SEMA5A: variants seen among roughly 807,000 people sequenced by gnomAD.
SEMA5A encodes semaphorin-5A.
A neutral mutation model predicts 135.5 loss-of-function variants in SEMA5A; 55 were observed. The observed-to-expected ratio is 0.41, with a 90% CI of 0.33 to 0.51. The LOEUF (loss-of-function observed/expected upper bound fraction) is 0.51, where lower values mean the gene tolerates loss of function less well. Among genes scored for constraint, SEMA5A ranks in the 20% least tolerant of loss-of-function variants. The pLI, the probability that SEMA5A is intolerant of heterozygous loss-of-function variation, is 0.37. For missense variants in SEMA5A, 1,290 were observed against 1,419.9 expected, an observed-to-expected ratio of 0.91 and a Z score of 1.47; for synonymous variants, 580 against 546.5, an observed-to-expected ratio of 1.06 and a Z score of -0.85.
At chr5:9,086,710 G>A (rs78650859) in intron 16 of SEMA5A, among the ~76,000 whole-genome samples, 2,115 of 152,284 alleles carry the variant, frequency 0.014, 32 homozygotes, top group African/African-American at 0.04. Context: ...CAGAATAAAT[G>A]TGTTTTCTCA....
chr5:9,264,079 A>C (rs1229655805), intron 5 of SEMA5A, among the ~76,000 whole-genome samples: 2 of 152,246 alleles, frequency 1.3e-5, no homozygotes, highest in Non-Finnish European at 2.9e-5. Flanking sequence ...CTGTGATGAA[A>C]GATATAAGTG....
chr5:9,222,118 G>A (rs1747038757), intron 8 of SEMA5A, among the ~76,000 whole-genome samples: 1 of 152,218 alleles, frequency 6.6e-6, no homozygotes, highest in Non-Finnish European at 1.5e-5. Context: ...AGAACTAAAG[G>A]AGGAAGACCT....
chr5:9,074,859 A>G (rs976917468), intron 16 of SEMA5A, among the ~76,000 whole-genome samples: 2 of 152,318 alleles, frequency 1.3e-5, no homozygotes, highest in Middle Eastern at 3.4e-3. Context: ...GATGCTGAGG[A>G]GGACACAATG....
At chr5:9,146,493 T>G (rs1319761946) in intron 12 of SEMA5A, among the ~76,000 whole-genome samples, 1 of 152,184 alleles carries the variant, frequency 6.6e-6, no homozygotes. Flanking sequence ...AATTGAAAAT[T>G]AGAACACTGG....
chr5:9,289,246 A>C (rs570198631), intron 5 of SEMA5A, among the ~76,000 whole-genome samples: 14 of 152,348 alleles, frequency 9.2e-5, no homozygotes, highest in South Asian at 6.2e-4. Flanking sequence ...AAAATGATTG[A>C]TATTATAAAG....
chr5:9,349,463 A>T (rs1172495304), intron 3 of SEMA5A, among the ~76,000 whole-genome samples: 4 of 152,218 alleles, frequency 2.6e-5, no homozygotes, highest in African/African-American at 9.6e-5. Context: ...CACACAAAAG[A>T]GAGTTAAACT....
At chr5:9,510,442 A>T (rs1736142983) in intron 1 of SEMA5A, among the ~76,000 whole-genome samples, 1 of 152,214 alleles carries the variant, frequency 6.6e-6, no homozygotes, top group Non-Finnish European at 1.5e-5. Flanking sequence ...AGCACAAACT[A>T]TTGGGAAGTA....
intron 5 of SEMA5A, among the ~76,000 whole-genome samples, chr5:9,242,024 A>G (rs963231858): frequency 6.6e-6 from 1 of 152,224 alleles, no homozygotes; most frequent in Non-Finnish European, 1.5e-5. Context: ...AAAATTAACA[A>G]CCACCTGAGG....
At chr5:9,090,829 A>G (rs1738992478) in intron 16 of SEMA5A, among the ~76,000 whole-genome samples, 1 of 152,134 alleles carries the variant, frequency 6.6e-6, no homozygotes, top group Non-Finnish European at 1.5e-5. Flanking sequence ...ACTTCCTCTC[A>G]CTTTGTGTTC....
At chr5:9,229,269 A>C (rs1217945430) in intron 6 of SEMA5A, among the ~76,000 whole-genome samples, 2 of 152,242 alleles carry the variant, frequency 1.3e-5, no homozygotes, top group Non-Finnish European at 2.9e-5. Context: ...GTAGACAGTG[A>C]ATCTGGTAAC....
At chr5:9,211,596 A>C (rs987358063) in intron 8 of SEMA5A, among the ~76,000 whole-genome samples, 7 of 152,274 alleles carry the variant, frequency 4.6e-5, no homozygotes, top group African/African-American at 1.4e-4. Flanking sequence ...CAGGCTGTTC[A>C]GAGTCAGCAC....
chr5:9,041,784 C>A lies in SEMA5A; in HGVS notation c.*1113G>T, dbSNP rs1289928753. The A allele has an allele frequency of 2.0e-5, 3 of 152,642 alleles. No individual in the cohort carries two copies. The highest frequency in any genetic ancestry group is 2.9e-5 in the Non-Finnish European group (2 of 68,050). The allele number at this position is 152,642 out of a possible 1,614,324, so 9.5% of individuals were successfully genotyped here. ...GGGGTAGCACTTCGTGTGGACCTGG[C>A]AGACTCCAGAAAGCCAGCTTTACAT... On this transcript the variant is annotated 3_prime_UTR_variant, in exon 23 of 23. Transcript: ENST00000382496.
intron 16 of SEMA5A, among the ~76,000 whole-genome samples, chr5:9,101,087 C>A (rs913911959): frequency 6.6e-6 from 1 of 152,196 alleles, no homozygotes; most frequent in African/African-American, 2.4e-5. Context: ...GGGATTATCT[C>A]AATAAGTGCT....
chr5:9,066,474 C>G lies in SEMA5A; in HGVS notation c.2246G>C (p.Arg749Thr). 6.2e-7 allele frequency: 1 copy of G among 1,614,242 alleles called. No homozygotes were observed. The highest frequency in any genetic ancestry group is 8.5e-7 in the Non-Finnish European group (1 of 1,180,044). The change falls in exon 17 of 23, where the codon AGA (arginine) becomes ACA (threonine). Residue 749 changes from arginine to threonine, a missense_variant. Arg to Thr is a moderately conservative substitution (Grantham distance 71, BLOSUM62 -1). This residue lies in a region of SEMA5A where 1,029 missense variants were observed against 1,086.6 expected (regional missense o/e 0.95). Transcript: ENST00000382496. Reference protein sequence around the residue: ...DPNLLEVGRQRIEMRYCSSDG... With the variant: ...DPNLLEVGRQTIEMRYCSSDG... ...GCTAGAACAGTACCGCATTTCGATT[C>G]TCTGTCTTCCCACTTCCAGCAAATT...
chr5:9,288,251 T>G (rs1473527819), intron 5 of SEMA5A, among the ~76,000 whole-genome samples: 1 of 151,852 alleles, frequency 6.6e-6, no homozygotes, highest in African/African-American at 2.4e-5. Flanking sequence ...AACACAAGAG[T>G]TCCCAGTGGC....
intron 13 of SEMA5A, among the ~76,000 whole-genome samples, chr5:9,133,863 C>A (rs1434402581): frequency 3.3e-5 from 5 of 151,152 alleles, no homozygotes; most frequent in African/African-American, 9.7e-5. Flanking sequence ...CTCTGTGTCC[C>A]CACCTAAATC....
At chr5:9,384,220 T>C (rs995944436) in intron 2 of SEMA5A, among the ~76,000 whole-genome samples, 2 of 152,068 alleles carry the variant, frequency 1.3e-5, no homozygotes, top group African/African-American at 4.8e-5. Context: ...TTACTCTAAA[T>C]AGACTCAGCT....
At chr5:9,158,228 G>A (rs1417105009) in intron 11 of SEMA5A, among the ~76,000 whole-genome samples, 2 of 152,148 alleles carry the variant, frequency 1.3e-5, no homozygotes, top group Non-Finnish European at 2.9e-5. Flanking sequence ...TCTAGCAGGA[G>A]TTATGATATT....
At chr5:9,230,671 T>A (rs1039405694) in intron 6 of SEMA5A, among the ~76,000 whole-genome samples, 4 of 151,152 alleles carry the variant, frequency 2.6e-5, no homozygotes, top group Non-Finnish European at 1.5e-5. Context: ...GGCAAGGAGG[T>A]CTGTGCAGAA....
Sources: gnomAD v4.1 joint callset for allele counts (sites outside exome capture counted in the v4.1 genomes callset) on GRCh38, gnomAD v4.1.1 for gene constraint, gnomAD v4.1.1 regional missense constraint, MANE v1.5 for transcripts, NCBI Gene and HGNC (gene_info 2026-07-23, HGNC 2026-07-21) for gene names.